Variants in CALN1 observed in about 807,000 individuals in gnomAD.
The protein encoded by CALN1 is calcium-binding protein 8.
A neutral mutation model predicts 30.6 loss-of-function variants in CALN1; 17 were observed. The ratio of observed to expected loss-of-function variants is 0.56; its 90% CI spans 0.38 to 0.83. The LOEUF (loss-of-function observed/expected upper bound fraction) is 0.83. Ranked by LOEUF, CALN1 falls within the 40% of genes least tolerant of loss-of-function variation. The pLI, the probability that CALN1 is intolerant of heterozygous loss-of-function variation, is 0.00. For missense variants in CALN1, 291 were observed against 354.9 expected (o/e 0.82, Z 1.45); for synonymous variants, 156 against 131.4 (o/e 1.19, Z -1.28).
intron 5 of CALN1, among the ~76,000 whole-genome samples, chr7:71,991,382 C>T (rs935180822): frequency 2.6e-5 from 4 of 151,882 alleles, no homozygotes; most frequent in Admixed American, 2.6e-4. Context: ...TCACTTGAAC[C>T]CAGGAGGCAG....
Position 72,210,443 on chromosome 7 carries a change from G to A in CALN1, c.244+68243C>T, listed in dbSNP as rs537382053. The stretch of plus-strand genomic sequence containing the variant: ...GCACTTTGGGAGGCTGCATTGTTTC[G>A]TTTTCATACTGCTACAAAGAACTGC... On this transcript the variant is annotated intron_variant, in intron 3 of 6. Coordinates refer to ENST00000395275, the MANE Select transcript of CALN1 (RefSeq NM_031468.4). Among the ~76,000 whole-genome samples the A allele has an allele frequency of 5.9e-5, 9 of 152,212 alleles. No homozygotes were observed. The Middle Eastern group carries it at 0.01, about 173-fold the overall frequency.
intron 2 of CALN1, among the ~76,000 whole-genome samples, chr7:72,369,518 C>T (rs2129560233): frequency 1.3e-5 from 2 of 151,836 alleles, no homozygotes; most frequent in East Asian, 3.9e-4. Flanking sequence ...TGCACCACCA[C>T]AACTGGCTAA....
intron 2 of CALN1, among the ~76,000 whole-genome samples, chr7:72,309,299 T>C (rs566947837): frequency 6.6e-6 from 1 of 152,174 alleles, no homozygotes; most frequent in Non-Finnish European, 1.5e-5. Flanking sequence ...TGAAGTCACA[T>C]TCTGAGCCAG....
At chr7:72,397,696 G>A (rs1806053792) in intron 2 of CALN1, among the ~76,000 whole-genome samples, 1 of 123,016 alleles carries the variant, frequency 8.1e-6, no homozygotes. Flanking sequence ...GGGGATCTTG[G>A]AGAGCACCCA....
intron 5 of CALN1, among the ~76,000 whole-genome samples, chr7:71,885,704 G>T (rs948125676): frequency 6.6e-6 from 1 of 152,198 alleles, no homozygotes; most frequent in Non-Finnish European, 1.5e-5. Flanking sequence ...GCTGAGGTTA[G>T]CACATAAACT....
intron 4 of CALN1, among the ~76,000 whole-genome samples, chr7:72,057,582 AT>A (rs1803350025): frequency 6.6e-6 from 1 of 151,962 alleles, no homozygotes; most frequent in South Asian, 2.1e-4. Flanking sequence ...ACATACGTGT[AT>A]TTTTTCTTCA....
intron 3 of CALN1, among the ~76,000 whole-genome samples, chr7:72,238,103 T>C (rs1281067419): frequency 6.6e-6 from 1 of 152,204 alleles, no homozygotes; most frequent in Non-Finnish European, 1.5e-5. Context: ...TGACAGCTAA[T>C]TGTTTAGGGT....
At chr7:71,973,052 C>G (rs966966342) in intron 5 of CALN1, among the ~76,000 whole-genome samples, 1 of 152,166 alleles carries the variant, frequency 6.6e-6, no homozygotes, top group African/African-American at 2.4e-5. Flanking sequence ...AGGGCAAACG[C>G]TGATCTATTC....
chr7:72,279,188 A>G (rs1268247352), intron 2 of CALN1, among the ~76,000 whole-genome samples: 2 of 152,188 alleles, frequency 1.3e-5, no homozygotes, highest in African/African-American at 4.8e-5. Context: ...AAGGACTGAG[A>G]ATCCCAGAAG....
At chr7:72,203,378 T>C (rs1791580379) in intron 3 of CALN1, among the ~76,000 whole-genome samples, 1 of 151,836 alleles carries the variant, frequency 6.6e-6, no homozygotes, top group East Asian at 1.9e-4. Context: ...CACCTTAAAT[T>C]TACGCGAAAC....
intron 5 of CALN1, among the ~76,000 whole-genome samples, chr7:71,812,929 C>CATTATTATTATTATTATT (rs71092917): frequency 2.2e-5 from 3 of 136,504 alleles, no homozygotes; most frequent in Non-Finnish European, 3.1e-5. Flanking sequence ...TCATCATCAT[C>CATTATTATTATTATTATT]ATTATTATTA....
At chr7:72,282,482 A>C (rs1490082795) in intron 2 of CALN1, among the ~76,000 whole-genome samples, 1 of 152,160 alleles carries the variant, frequency 6.6e-6, no homozygotes, top group Non-Finnish European at 1.5e-5. Context: ...TAGGTCCATG[A>C]GGGCTCCTCC....
intron 4 of CALN1, among the ~76,000 whole-genome samples, chr7:72,078,269 G>A (rs1011060559): frequency 7.2e-5 from 11 of 151,966 alleles, no homozygotes; most frequent in Admixed American, 2.6e-4. Flanking sequence ...CAGCTACCCC[G>A]AGAAGGGAAT....
intron 5 of CALN1, among the ~76,000 whole-genome samples, chr7:71,963,409 C>T (rs1797356506): frequency 6.6e-6 from 1 of 152,188 alleles, no homozygotes; most frequent in Non-Finnish European, 1.5e-5. Flanking sequence ...GATCCACCTG[C>T]CTCAGCCTCC....
chr7:72,324,888 A>T (rs1441320367), intron 2 of CALN1, among the ~76,000 whole-genome samples: 1 of 151,984 alleles, frequency 6.6e-6, no homozygotes, highest in Non-Finnish European at 1.5e-5. Flanking sequence ...TCAGTCTCAA[A>T]TTTTTCCCTG....
chr7:72,412,536 G>A (rs1336135221), upstream of CALN1, among the ~76,000 whole-genome samples: 3 of 152,108 alleles, frequency 2.0e-5, no homozygotes, highest in Non-Finnish European at 2.9e-5. Flanking sequence ...ACAGAGCACC[G>A]ATTGGTGCAT....
At chr7:71,962,093 TTATAAG>T (rs1318811883) in intron 5 of CALN1, among the ~76,000 whole-genome samples, 1 of 108,004 alleles carries the variant, frequency 9.3e-6, no homozygotes, top group Non-Finnish European at 2.5e-5. Context: ...AGGAAAGTTA[TTATAAG>T]AATAACCTTG....
At chr7:72,335,865 GCC>G (rs1039933320) in intron 2 of CALN1, among the ~76,000 whole-genome samples, 83 of 152,286 alleles carry the variant, frequency 5.5e-4, no homozygotes, top group African/African-American at 2.0e-3. Context: ...TCCCCCGCTC[GCC>G]CTCGCCCCAA....
At chr7:72,170,601 C>T (rs948284157) in intron 3 of CALN1, among the ~76,000 whole-genome samples, 13 of 152,182 alleles carry the variant, frequency 8.5e-5, no homozygotes, top group Non-Finnish European at 1.0e-4. Context: ...ACATCAGGCA[C>T]GCACATAAAG....
Sources: gnomAD v4.1 joint callset for allele counts (sites outside exome capture counted in the v4.1 genomes callset) on GRCh38, gnomAD v4.1.1 for gene constraint, MANE v1.5 for transcripts, NCBI Gene and HGNC (gene_info 2026-07-23, HGNC 2026-07-21) for gene names.